The following RAB27A variants were observed in gnomAD, a reference collection of about 807,000 sequenced individuals.
RAB27A encodes ras-related protein Rab-27A.
In RAB27A, 17 loss-of-function variants were observed where a neutral mutation model predicts 20.8. The observed-to-expected ratio is 0.82, with a 90% confidence interval of 0.56 to 1.23. The LOEUF is 1.23. Ranked by LOEUF, RAB27A falls within the 50% of genes most tolerant of loss-of-function variation. The pLI, the probability that RAB27A is intolerant of heterozygous loss-of-function variation, is 0.00. For synonymous variants in RAB27A, 85 were observed against 92.8 expected (o/e 0.92, Z 0.48); for missense variants, 277 against 266.7 (o/e 1.04, Z -0.27).
intron 2 of RAB27A, among the ~76,000 whole-genome samples, chr15:55,251,510 T>C (rs1196252367): frequency 6.6e-6 from 1 of 152,120 alleles, no homozygotes; most frequent in Admixed American, 6.5e-5. Flanking sequence ...GATCCTTTCT[T>C]GTATCTAAAT....
chr15:55,223,508 C>CAAAAA (rs113911906), intron 6 of RAB27A, among the ~76,000 whole-genome samples: 1 of 133,502 alleles, frequency 7.5e-6, no homozygotes, highest in Non-Finnish European at 1.6e-5. Flanking sequence ...GACTCTGTCT[C>CAAAAA]AAAAAAAAAA....
intron 2 of RAB27A, among the ~76,000 whole-genome samples, chr15:55,269,396 C>T (rs756943596): frequency 1.9e-4 from 29 of 152,250 alleles, no homozygotes; most frequent in Non-Finnish European, 3.7e-4. Flanking sequence ...AGATTTAATT[C>T]CCAGAAGAAA....
chr15:55,209,507 A>G (rs7172289), intron 6 of RAB27A, among the ~76,000 whole-genome samples: 40,633 of 151,898 alleles, frequency 0.27, 7,063 homozygotes, highest in African/African-American at 0.49. Flanking sequence ...TCCATTGTAT[A>G]TATAAACCAT....
At chr15:55,224,323 T>C (rs2140959986) in intron 5 of RAB27A, among the ~76,000 whole-genome samples, 1 of 152,364 alleles carries the variant, frequency 6.6e-6, no homozygotes, top group African/African-American at 2.4e-5. Context: ...ACAAAACACC[T>C]TTCTTTTTTA....
intron 2 of RAB27A, among the ~76,000 whole-genome samples, chr15:55,262,717 C>T (rs1337258555): frequency 2.0e-5 from 3 of 150,762 alleles, no homozygotes; most frequent in Admixed American, 6.6e-5. Flanking sequence ...ACTGCAGCCT[C>T]GGCCTCCCAG....
chr15:55,208,241 T>C (rs1457519352), intron 6 of RAB27A, among the ~76,000 whole-genome samples: 2 of 152,220 alleles, frequency 1.3e-5, no homozygotes, highest in Non-Finnish European at 2.9e-5. Flanking sequence ...TGATACAAGA[T>C]CATTTGTGTG....
At chr15:55,247,511 G>A (rs1481996620) in intron 2 of RAB27A, among the ~76,000 whole-genome samples, 1 of 152,116 alleles carries the variant, frequency 6.6e-6, no homozygotes, top group Non-Finnish European at 1.5e-5. Context: ...CATGAAACAT[G>A]CATGGAAAGC....
intron 6 of RAB27A, among the ~76,000 whole-genome samples, chr15:55,210,147 G>GACATACATATACACA (rs1566897062): frequency 1.1e-4 from 9 of 82,050 alleles, no homozygotes; most frequent in African/African-American, 8.6e-4. Context: ...ATATGTATGT[G>GACATACATATACACA]TATGTATACA....
rs138447584 is a variant in RAB27A, at chr15:55,260,411, G to A, written c.-23+9754C>T. On this transcript the variant is annotated intron_variant, in intron 2 of 6. Transcript: ENST00000336787. ...TTACAAAGCTAAACTTACTCTTACC[G>A]TACAATCCAATCACATTCTTTGGTA... Among the ~76,000 whole-genome samples the A allele has an allele frequency of 6.5e-4, 99 of 152,280 alleles. 1 individual carries two copies. Among genetic ancestry groups the A allele is most frequent in the African/African-American group, 2.1e-3 (88 of 41,560 alleles).
In RAB27A at chr15:55,310,380, G is replaced by A. The variant is rs535963015; in HGVS notation, c.-112+3659C>T. Among the ~76,000 whole-genome samples, 7 of 152,224 alleles carry A rather than the reference G, an allele frequency of 4.6e-5. No homozygotes were observed. The East Asian group carries it at 1.2e-3, about 25-fold the overall frequency. On this transcript the variant is annotated intron_variant, in intron 2 of 5. Transcript: ENST00000563262. Reference sequence around the variant, plus strand: ...ATGGCATGGGCTGGCACTTGCCCCGGGCACCCTCAGTCCTGCTGCTGGATC... The same window carrying A: ...ATGGCATGGGCTGGCACTTGCCCCGAGCACCCTCAGTCCTGCTGCTGGATC...
intron 2 of RAB27A, among the ~76,000 whole-genome samples, chr15:55,268,706 A>C (rs1396181559): frequency 6.6e-6 from 1 of 152,246 alleles, no homozygotes; most frequent in Admixed American, 6.5e-5. Context: ...AATCCAGCCC[A>C]GTCCAGGCAC....
intron 2 of RAB27A, among the ~76,000 whole-genome samples, chr15:55,261,055 A>G (rs1654516787): frequency 6.6e-6 from 1 of 151,820 alleles, no homozygotes; most frequent in Non-Finnish European, 1.5e-5. Flanking sequence ...ATATATGGAA[A>G]CTGTACTTTC....
At chr15:55,237,263 T>A (rs1896297716) in intron 2 of RAB27A, 3 of 152,114 alleles carry the variant, frequency 2.0e-5, no homozygotes, top group African/African-American at 7.2e-5. Flanking sequence ...ACAAGAATAT[T>A]TACTGGTTTT....
chr15:55,259,269 T>C (rs1395011735), intron 2 of RAB27A, among the ~76,000 whole-genome samples: 2 of 152,118 alleles, frequency 1.3e-5, no homozygotes, highest in African/African-American at 2.4e-5. Context: ...TTCTTTTTTA[T>C]AGTTATTTAT....
chr15:55,204,087 C>G lies in RAB27A; in HGVS notation c.*1420G>C, dbSNP rs1397388560. On this transcript the variant is annotated 3_prime_UTR_variant, in exon 7 of 7. Transcript: ENST00000336787. ...ACCAAACATTTGCCACCACAAAATACAAGTATTTTTATTCTTTATTTAAAT... is the reference window on the plus strand; with the variant it reads ...ACCAAACATTTGCCACCACAAAATAGAAGTATTTTTATTCTTTATTTAAAT... The G allele has an allele frequency of 6.6e-6, 1 of 152,040 alleles. No homozygotes were observed. Among genetic ancestry groups the G allele is most frequent in the Non-Finnish European group, 1.5e-5 (1 of 67,994 alleles). 9.4% of individuals were successfully genotyped at this position (152,040 alleles called of 1,614,324 possible). A position where few individuals can be genotyped will look rare whatever the true frequency, so the allele number is the denominator to read the frequency against.
rs894242968 is a variant in RAB27A, at chr15:55,205,273, G to A, written c.*234C>T. On this transcript the variant is annotated 3_prime_UTR_variant, in exon 7 of 7. Transcript: ENST00000336787. The stretch of plus-strand genomic sequence containing the variant: ...ACTATAATAGGCTAAGGTTGTATAA[G>A]GCACTTTTGGCTCTGAAATATTTCT... 4 of 571,616 alleles carry A rather than the reference G, an allele frequency of 7.0e-6. No homozygotes were observed. The highest frequency in any genetic ancestry group is 6.0e-5 in the South Asian group (3 of 50,202). The allele number at this position is 571,616 out of a possible 1,614,324, so 35.4% of individuals were successfully genotyped here. A position where few individuals can be genotyped will look rare whatever the true frequency, so the allele number is the denominator to read the frequency against.
At chr15:55,309,201 G>A (rs902128599) in intron 2 of RAB27A, among the ~76,000 whole-genome samples, 5 of 152,132 alleles carry the variant, frequency 3.3e-5, no homozygotes, top group African/African-American at 1.2e-4. Flanking sequence ...ATCCATATTC[G>A]ACAGAAACCT....
At chr15:55,291,092 A>G (rs1566938220), upstream of RAB27A, among the ~76,000 whole-genome samples, 1 of 152,262 alleles carries the variant, frequency 6.6e-6, no homozygotes, top group African/African-American at 2.4e-5. Flanking sequence ...TACATTTGAT[A>G]TAACATTTCC....
chr15:55,252,587 G>A (rs1406608115), intron 2 of RAB27A, among the ~76,000 whole-genome samples: 2 of 152,120 alleles, frequency 1.3e-5, no homozygotes, highest in African/African-American at 4.8e-5. Flanking sequence ...GGGCGACAGA[G>A]TGAGATTCCA....
Sources: allele counts gnomAD v4.1 joint callset (sites outside exome capture counted in the v4.1 genomes callset), GRCh38; gene constraint gnomAD v4.1.1; transcripts MANE v1.5; gene names NCBI Gene and HGNC (gene_info 2026-07-23, HGNC 2026-07-21).